Variants in CCDC110 observed in about 807,000 individuals in gnomAD.
CCDC110 encodes coiled-coil domain-containing protein 110.
Under a neutral mutation model 77.1 loss-of-function variants are expected in CCDC110, and 70 were observed. The observed-to-expected ratio is 0.91, with a 90% CI of 0.75 to 1.11. The LOEUF is 1.11. Ranked by LOEUF, CCDC110 falls within the 50% of genes least tolerant of loss-of-function variation. The pLI is 0.00. For missense variants in CCDC110, 868 were observed against 942.9 expected, an observed-to-expected ratio of 0.92 and a Z score of 1.04; for synonymous variants, 295 against 312.5, an observed-to-expected ratio of 0.94 and a Z score of 0.59.
In CCDC110 at chr4:185,458,955, A is replaced by G. The variant is rs780984313; in HGVS notation, c.1632T>C (p.Asp544=). 15 of 1,607,154 alleles carry G rather than the reference A, an allele frequency of 9.3e-6. No homozygotes were observed. In the South Asian group the frequency reaches 1.1e-4, roughly 12 times the overall value. Residue 544 remains aspartate, a synonymous_variant, in exon 6 of 7, where the codon GAT becomes GAC. Transcript: ENST00000307588. ...TTTTGTGTTCCTTACTTTTTAGTTGATCTAATGCTTCCATCATTTGTTGCT... is the reference window on the plus strand; with the variant it reads ...TTTTGTGTTCCTTACTTTTTAGTTGGTCTAATGCTTCCATCATTTGTTGCT... The part of the protein sequence containing the change: ...LEKQQMMEAL[D]QLKSKEHKTQ...
chr4:185,448,732 T>C (rs2095622094), intron 6 of CCDC110, among the ~76,000 whole-genome samples: 1 of 152,122 alleles, frequency 6.6e-6, no homozygotes. Context: ...ACAGTAAAAT[T>C]AGAATTTTCC....
intron 2 of CCDC110, among the ~76,000 whole-genome samples, chr4:185,470,262 T>G (rs1220635000): frequency 6.6e-6 from 1 of 152,242 alleles, no homozygotes; most frequent in African/African-American, 2.4e-5. Context: ...CCTCTGCGGA[T>G]AGCAAAATCT....
chr4:185,452,692 C>T (rs1269789390), intron 6 of CCDC110, among the ~76,000 whole-genome samples: 3 of 152,016 alleles, frequency 2.0e-5, no homozygotes, highest in Non-Finnish European at 2.9e-5. Context: ...GTCAGGAGTT[C>T]GAGACCAGCT....
In CCDC110 at chr4:185,461,054, C is replaced by T; in HGVS notation, c.343G>A (p.Asp115Asn). The T allele has an allele frequency of 6.8e-7, 1 of 1,479,566 alleles. No individual in the cohort carries two copies. Among genetic ancestry groups the T allele is most frequent in the Non-Finnish European group, 9.2e-7 (1 of 1,086,416 alleles). 91.7% of individuals were successfully genotyped at this position (1,479,566 alleles called of 1,614,324 possible). The change falls in exon 5 of 7, where the codon GAT (aspartate) becomes AAT (asparagine). Residue 115 changes from aspartate (D) to asparagine (N), a missense_variant. Coordinates refer to ENST00000307588, the MANE Select transcript of CCDC110 (RefSeq NM_152775.4). ...ATTTCTGTAGAATAACATACCAAAT[C>T]CTTTTCAATGCGCGTGCCAAACACC... ...NLVFGTRIEK[D>N]LPTENQEENL...
At chr4:185,466,258 C>T (rs2095655777) in intron 2 of CCDC110, among the ~76,000 whole-genome samples, 1 of 152,042 alleles carries the variant, frequency 6.6e-6, no homozygotes, top group Non-Finnish European at 1.5e-5. Flanking sequence ...GCCTGTAATC[C>T]CAGCTACTCG....
chr4:185,453,542 GCT>G (rs2095632059), intron 6 of CCDC110, among the ~76,000 whole-genome samples: 1 of 143,852 alleles, frequency 7.0e-6, no homozygotes, highest in Admixed American at 6.9e-5. Context: ...ACACAGTCTT[GCT>G]TTTTTTTTTT....
In CCDC110 at chr4:185,468,384, G is replaced by A. The variant is rs1452690499; in HGVS notation, c.115+2561C>T. 6.6e-6 allele frequency among the ~76,000 whole-genome samples: 1 copy of A among 152,118 alleles called. No individual in the cohort carries two copies. The highest frequency in any genetic ancestry group is 1.5e-5 in the Non-Finnish European group (1 of 68,022). ...TGCAGAGGCAATATGATGATAATTT[G>A]GTAAATTCAAAATTTCTAGTCAAGA... is the stretch of plus-strand genomic sequence containing the variant. On this transcript the variant is annotated intron_variant, in intron 2 of 6. Coordinates refer to ENST00000307588, the MANE Select transcript of CCDC110 (RefSeq NM_152775.4). This position sits in a 1 kb window ranked among gnomAD's most constrained non-coding sequence, Gnocchi z 4.5.
At chr4:185,464,795 A>C (rs998593152) in intron 2 of CCDC110, among the ~76,000 whole-genome samples, 1 of 152,208 alleles carries the variant, frequency 6.6e-6, no homozygotes, top group Non-Finnish European at 1.5e-5. Context: ...ATTTAAGAGA[A>C]TTTTTAAAAC....
intron 6 of CCDC110, among the ~76,000 whole-genome samples, chr4:185,450,402 C>A (rs2095627065): frequency 6.6e-6 from 1 of 152,192 alleles, no homozygotes; most frequent in African/African-American, 2.4e-5. Context: ...TAGGCCTTAC[C>A]CGCTAGTCCC....
In CCDC110 at chr4:185,459,947, G is replaced by A; in HGVS notation, c.640C>T (p.Gln214Ter). 11 of 1,613,818 alleles carry A rather than the reference G, an allele frequency of 6.8e-6. No homozygotes were observed. The highest frequency in any genetic ancestry group is 1.1e-5 in the South Asian group (1 of 91,040). Reference protein sequence around the residue: ...LPTAPPNVMSQADTVILDKSK... With the variant: ...LPTAPPNVMS ...TTATCCAGAATTACTGTATCAGCTT[G>A]AGACATCACATTTGGAGGTGCAGTA... Residue 214 changes from glutamine (Q) to a stop codon, truncating the protein, a stop_gained, in exon 6 of 7, where the codon CAA becomes TAA. Transcript: ENST00000307588. LOFTEE classifies it high-confidence loss of function.
At chr4:185,452,486 CACCTCAAGAAAGTTAAGCAGTAGT>C (rs1389827424) in intron 6 of CCDC110, 36 of 495,536 alleles carry the variant, frequency 7.3e-5, no homozygotes, top group Admixed American at 1.9e-4. Flanking sequence ...TAAGCAGTAG[CACCTCAAGAAAGTTAAGCAGTAGT>C]ACAATCATAG....
chr4:185,451,935 T>C (rs1436555535), intron 6 of CCDC110, among the ~76,000 whole-genome samples: 4 of 152,214 alleles, frequency 2.6e-5, no homozygotes, highest in African/African-American at 9.6e-5. Flanking sequence ...TTGACAGACC[T>C]TATCTGGATT....
chr4:185,448,011 A>T (rs2095619165), intron 6 of CCDC110, among the ~76,000 whole-genome samples: 1 of 152,110 alleles, frequency 6.6e-6, no homozygotes, highest in Non-Finnish European at 1.5e-5. Context: ...GGTTTTGGAA[A>T]TACGTTTTGT....
rs145820853 is a variant in CCDC110 at position 185,459,323 on chromosome 4, C to T, written c.1264G>A (p.Glu422Lys). 2.0e-4 allele frequency: 329 copies of T among 1,612,882 alleles called. 2 individuals are homozygous for T. The African/African-American group carries it at 4.0e-3, about 20-fold the overall frequency. ...TACTGAATTTTTGCAACACACTGCT[C>T]AGTAACGGAATTAACTTTGGAAGTT... ...EKTSKVNSVT[E>K]QCVAKIQYLQ... Residue 422 changes from glutamate (E) to lysine (K), a missense_variant, in exon 6 of 7, where the codon GAG (glutamate) becomes AAG (lysine). Transcript: ENST00000307588.
chr4:185,449,301 G>A (rs1276203198), intron 6 of CCDC110, among the ~76,000 whole-genome samples: 2 of 152,024 alleles, frequency 1.3e-5, no homozygotes, highest in African/African-American at 4.8e-5. Context: ...TAGGCAGATC[G>A]CTTGAGCCCA....
chr4:185,455,095 TTCAGCA>T (rs2095634184), intron 6 of CCDC110, among the ~76,000 whole-genome samples: 1 of 152,212 alleles, frequency 6.6e-6, no homozygotes, highest in Admixed American at 6.5e-5. Context: ...GACACTGGGA[TTCAGCA>T]GTAAACAAAA....
intron 6 of CCDC110, among the ~76,000 whole-genome samples, chr4:185,455,707 AC>A (rs2095635041): frequency 6.6e-6 from 1 of 151,940 alleles, no homozygotes. Context: ...ACATGGTGAA[AC>A]CCCGTCTTTA....
Position 185,462,991 on chromosome 4 carries a change from C to T in CCDC110, c.171+3G>A, listed in dbSNP as rs758357937. 6.8e-6 allele frequency: 11 copies of T among 1,611,206 alleles called. No individual in the cohort carries two copies. The African/African-American group carries it at 1.5e-4, about 21-fold the overall frequency. On this transcript the variant is annotated splice_donor_region_variant and intron_variant, in intron 3 of 6. Coordinates refer to ENST00000307588, the MANE Select transcript of CCDC110 (RefSeq NM_152775.4). ...GAGATGATAAAATGGAATATAGACTCACTTTCAATGCTGATTGTGGTTGGA... is the reference window on the plus strand; with the variant it reads ...GAGATGATAAAATGGAATATAGACTTACTTTCAATGCTGATTGTGGTTGGA...
intron 2 of CCDC110, among the ~76,000 whole-genome samples, chr4:185,466,305 G>A (rs558138796): frequency 1.3e-5 from 2 of 152,252 alleles, no homozygotes; most frequent in African/African-American, 4.8e-5. Flanking sequence ...AACGTGGGAG[G>A]TGGAGGTTGC....
Sources: allele counts gnomAD v4.1 joint callset (sites outside exome capture counted in the v4.1 genomes callset), GRCh38; gene constraint gnomAD v4.1.1; non-coding constraint Gnocchi (gnomAD v3.1); transcripts MANE v1.5; gene names NCBI Gene and HGNC (gene_info 2026-07-23, HGNC 2026-07-21).